LRFN2: variants seen among roughly 807,000 people sequenced by gnomAD.
LRFN2 encodes the protein leucine-rich repeat and fibronectin type-III domain-containing protein 2.
A neutral mutation model predicts 37.3 loss-of-function variants in LRFN2; 18 were observed. The observed-to-expected ratio is 0.48, with a 90% CI of 0.33 to 0.72. The LOEUF is 0.72. LRFN2 is among the 30% of genes least tolerant of loss of function. LRFN2 has a pLI of 0.02. For missense variants in LRFN2, 1,006 were observed against 1,060.7 expected, an observed-to-expected ratio of 0.95 and a Z score of 0.72; for synonymous variants, 556 against 466.6, an observed-to-expected ratio of 1.19 and a Z score of -2.47.
At chr6:40,419,737 C>G (rs979033429) in intron 2 of LRFN2, among the ~76,000 whole-genome samples, 1 of 152,110 alleles carries the variant, frequency 6.6e-6, no homozygotes, top group African/African-American at 2.4e-5. Context: ...CCTGACCCCG[C>G]ACAGCCTCCT....
intron 1 of LRFN2, among the ~76,000 whole-genome samples, chr6:40,508,296 T>C (rs1305674627): frequency 2.6e-5 from 4 of 152,228 alleles, no homozygotes; most frequent in African/African-American, 9.6e-5. Context: ...CTGCCAGCCA[T>C]CCTGCAGTGC....
At chr6:40,529,009 T>TC (rs1362757027) in intron 1 of LRFN2, among the ~76,000 whole-genome samples, 1 of 152,122 alleles carries the variant, frequency 6.6e-6, no homozygotes, top group Non-Finnish European at 1.5e-5. Context: ...AGGCAGGGGC[T>TC]CCCCACAGAC....
At chr6:40,503,745 C>T (rs933333054) in intron 1 of LRFN2, among the ~76,000 whole-genome samples, 1 of 152,052 alleles carries the variant, frequency 6.6e-6, no homozygotes, top group East Asian at 1.9e-4. Flanking sequence ...AGATTCAGGG[C>T]GTGCCATTGG....
intron 1 of LRFN2, among the ~76,000 whole-genome samples, chr6:40,555,494 G>A (rs765249680): frequency 4.5e-4 from 69 of 152,278 alleles, no homozygotes; most frequent in African/African-American, 1.4e-3. Flanking sequence ...AGCCCCATCC[G>A]GGAGGTAACA....
chr6:40,585,106 G>T (rs1561917036), intron 1 of LRFN2, among the ~76,000 whole-genome samples: 1 of 152,140 alleles, frequency 6.6e-6, no homozygotes, highest in Non-Finnish European at 1.5e-5. Flanking sequence ...CCAGCCCACA[G>T]CAGGCAGGCA....
chr6:40,417,047 C>T (rs1763109307), intron 2 of LRFN2, among the ~76,000 whole-genome samples: 1 of 152,290 alleles, frequency 6.6e-6, no homozygotes, highest in South Asian at 2.1e-4. Context: ...CAGAAGCTTC[C>T]TTCCAGCCCC....
intron 1 of LRFN2, among the ~76,000 whole-genome samples, chr6:40,519,339 G>A (rs1338568870): frequency 1.3e-5 from 2 of 152,142 alleles, no homozygotes; most frequent in African/African-American, 4.8e-5. Context: ...TCAAACACTG[G>A]TATGGTCCCA....
At chr6:40,526,522 C>T (rs138560349) in intron 1 of LRFN2, among the ~76,000 whole-genome samples, 1 of 152,312 alleles carries the variant, frequency 6.6e-6, no homozygotes, top group Non-Finnish European at 1.5e-5. Context: ...TCCACACCTG[C>T]ATGACGTTCT....
intron 1 of LRFN2, among the ~76,000 whole-genome samples, chr6:40,519,365 C>T (rs909983): frequency 0.48 from 72,458 of 152,054 alleles, 17,652 homozygotes; most frequent in Middle Eastern, 0.6. Flanking sequence ...GCCCATCCAA[C>T]CCTGTATTCA....
At chr6:40,463,079 A>C (rs1764380363) in intron 1 of LRFN2, among the ~76,000 whole-genome samples, 1 of 152,182 alleles carries the variant, frequency 6.6e-6, no homozygotes, top group African/African-American at 2.4e-5. Context: ...TGACAGATGG[A>C]GCTGCAGTGG....
chr6:40,508,647 A>C (rs1253516791), intron 1 of LRFN2, among the ~76,000 whole-genome samples: 1 of 152,244 alleles, frequency 6.6e-6, no homozygotes, highest in African/African-American at 2.4e-5. Context: ...AATGCAATTG[A>C]CAAAAGTACC....
At chr6:40,502,564 G>A (rs1409999855) in intron 1 of LRFN2, among the ~76,000 whole-genome samples, 1 of 152,198 alleles carries the variant, frequency 6.6e-6, no homozygotes, top group African/African-American at 2.4e-5. Flanking sequence ...GTCCTTCCTG[G>A]AACGATGGGG....
In LRFN2 at chr6:40,487,439, C is replaced by A. The variant is rs1425077806; in HGVS notation, c.-18-54308G>T. Among the ~76,000 whole-genome samples, 6 of 152,350 alleles carry A rather than the reference C, an allele frequency of 3.9e-5. No individual in the cohort carries two copies. The East Asian group carries it at 1.2e-3, about 29-fold the overall frequency. On this transcript the variant is annotated intron_variant, in intron 1 of 2. Transcript: ENST00000338305. ...GCAGGGCGTCAATGAGTTCTTGCTT[C>A]TTCCCTTACACCTGTTCCTCCCGCA...
intron 1 of LRFN2, among the ~76,000 whole-genome samples, chr6:40,458,759 T>C (rs1260964346): frequency 3.3e-5 from 5 of 152,206 alleles, no homozygotes; most frequent in Non-Finnish European, 7.3e-5. Context: ...TCTTGGCTTC[T>C]CTTTCCAATT....
chr6:40,465,482 T>G (rs947721164), intron 1 of LRFN2, among the ~76,000 whole-genome samples: 1 of 152,310 alleles, frequency 6.6e-6, no homozygotes, highest in African/African-American at 2.4e-5. Context: ...CTGCTCTCAC[T>G]TCCTTACTTC....
In LRFN2 at chr6:40,392,785, A is replaced by T; in HGVS notation, c.1528T>A (p.Cys510Ser). The T allele has an allele frequency of 6.2e-7, 1 of 1,614,140 alleles. No homozygotes were observed. The highest frequency in any genetic ancestry group is 8.5e-7 in the Non-Finnish European group (1 of 1,180,004). ...TCAGCCTTGGTGAAGAACTGGGCGC[A>T]GCCCACGATGTTGGTGGCCGTGAGT... ...TTLTATNIVG[C>S]AQFFTKADYP... Residue 510 changes from cysteine to serine, a missense_variant, in exon 3 of 3, where the codon TGC becomes AGC. Coordinates refer to ENST00000338305, the MANE Select transcript of LRFN2 (RefSeq NM_020737.3). This position sits in a 1 kb window ranked among gnomAD's most constrained non-coding sequence, Gnocchi z 4.7.
chr6:40,430,231 G>T (rs1042727443), intron 2 of LRFN2, among the ~76,000 whole-genome samples: 1 of 152,210 alleles, frequency 6.6e-6, no homozygotes, highest in African/African-American at 2.4e-5. Context: ...AGTAAGGGGA[G>T]TTCCCCAGCT....
At chr6:40,551,367 C>A (rs901277664) in intron 1 of LRFN2, among the ~76,000 whole-genome samples, 1 of 152,108 alleles carries the variant, frequency 6.6e-6, no homozygotes, top group Admixed American at 6.5e-5. Context: ...TCGAGGAGGA[C>A]AAAGCCAGTA....
chr6:40,553,426 T>C (rs1272337775), intron 1 of LRFN2, among the ~76,000 whole-genome samples: 1 of 152,206 alleles, frequency 6.6e-6, no homozygotes, highest in African/African-American at 2.4e-5. Flanking sequence ...GGATACTCTC[T>C]AAGTGAAGGA....
Sources: allele counts gnomAD v4.1 joint callset (sites outside exome capture counted in the v4.1 genomes callset), GRCh38; gene constraint gnomAD v4.1.1; non-coding constraint Gnocchi (gnomAD v3.1); transcripts MANE v1.5; gene names NCBI Gene and HGNC (gene_info 2026-07-23, HGNC 2026-07-21).